Variants in CNTN4 observed in about 807,000 individuals in gnomAD.
CNTN4 encodes the protein contactin-4.
In CNTN4, 77 loss-of-function variants were observed where a neutral mutation model predicts 122.5. The observed-to-expected ratio is 0.63, with a 90% CI of 0.52 to 0.76. The LOEUF is 0.76. Ranked by LOEUF, CNTN4 falls within the 30% of genes least tolerant of loss-of-function variation. CNTN4 has a pLI of 0.00. For synonymous variants in CNTN4, 512 were observed against 447.0 expected, an observed-to-expected ratio of 1.15 and a Z score of -1.83; for missense variants, 1,256 against 1,259.1, an observed-to-expected ratio of 1.00 and a Z score of 0.04.
At chr3:2,644,660 C>A (rs1384004455) in intron 4 of CNTN4, among the ~76,000 whole-genome samples, 6 of 150,456 alleles carry the variant, frequency 4.0e-5, no homozygotes, top group Non-Finnish European at 7.4e-5. Flanking sequence ...ACTCACCATG[C>A]CCTATAGGGT....
intron 24 of CNTN4, among the ~76,000 whole-genome samples, chr3:3,055,797 G>A (rs1701730359): frequency 6.6e-6 from 1 of 152,182 alleles, no homozygotes; most frequent in South Asian, 2.1e-4. Flanking sequence ...TCAAAAGGGA[G>A]CAGCAATTTT....
chr3:2,198,056 G>A (rs769079538), intron 2 of CNTN4, among the ~76,000 whole-genome samples: 11 of 151,412 alleles, frequency 7.3e-5, no homozygotes, highest in Non-Finnish European at 1.5e-4. Context: ...GAGAATTTTG[G>A]CAATGTAGAA....
rs142355624 is a variant in CNTN4 at position 2,897,008 on chromosome 3, A to G, written c.941-3677A>G. On this transcript the variant is annotated intron_variant, in intron 10 of 24. Transcript: ENST00000418658. ...TCTAAGGCCTAAGGCATATGTTGGC[A>G]TTTCTTTCAGTTAGAAATTTCTGTT... Among the ~76,000 whole-genome samples, 1,094 of 146,354 alleles carry G rather than the reference A, an allele frequency of 7.5e-3. 15 individuals carry two copies. Among genetic ancestry groups the G allele is most frequent in the African/African-American group, 0.027 (1,038 of 38,978 alleles).
At chr3:2,186,868 C>T (rs984900622) in intron 2 of CNTN4, among the ~76,000 whole-genome samples, 4 of 152,112 alleles carry the variant, frequency 2.6e-5, no homozygotes, top group Admixed American at 6.5e-5. Context: ...TTCTCCCATT[C>T]TGTAGGTTGC....
chr3:2,715,219 G>T (rs1293515804), intron 4 of CNTN4, among the ~76,000 whole-genome samples: 1 of 152,078 alleles, frequency 6.6e-6, no homozygotes, highest in East Asian at 1.9e-4. Flanking sequence ...AAAGGAAGCA[G>T]CTACTGAAAA....
At chr3:2,257,020 G>A (rs1373293863) in intron 2 of CNTN4, among the ~76,000 whole-genome samples, 2 of 152,100 alleles carry the variant, frequency 1.3e-5, no homozygotes, top group Non-Finnish European at 2.9e-5. Flanking sequence ...GAGGCATCAG[G>A]CTACCTGACT....
At chr3:2,819,626 T>C (rs187134406) in intron 7 of CNTN4, 45 bp downstream of exon 7, 2 of 1,360,870 alleles carry the variant, frequency 1.5e-6, no homozygotes, top group Admixed American at 1.7e-5. Flanking sequence ...CTCTCTGTTA[T>C]TTTTCTTCCT....
intron 3 of CNTN4, among the ~76,000 whole-genome samples, chr3:2,501,718 A>G (rs2076599149): frequency 6.6e-6 from 1 of 152,190 alleles, no homozygotes; most frequent in South Asian, 2.1e-4. Context: ...ATCTAGGATA[A>G]CATCCCATGT....
At chr3:2,965,631 C>T (rs1446418631) in intron 13 of CNTN4, among the ~76,000 whole-genome samples, 4 of 152,200 alleles carry the variant, frequency 2.6e-5, no homozygotes, top group Non-Finnish European at 4.4e-5. Context: ...CTCATTCATT[C>T]ACCAGCATGA....
intron 2 of CNTN4, among the ~76,000 whole-genome samples, chr3:2,201,451 A>T (rs1199931477): frequency 6.6e-6 from 1 of 152,196 alleles, no homozygotes; most frequent in Non-Finnish European, 1.5e-5. Flanking sequence ...GTTCAAATAA[A>T]CAAGAGGAGA....
chr3:3,036,515 CA>C (rs1699618745), intron 17 of CNTN4, among the ~76,000 whole-genome samples: 1 of 152,072 alleles, frequency 6.6e-6, no homozygotes, highest in African/African-American at 2.4e-5. Flanking sequence ...GTCATCCCAG[CA>C]CTTTGATAGG....
intron 2 of CNTN4, among the ~76,000 whole-genome samples, chr3:2,337,328 G>A (rs11711446): frequency 0.12 from 18,987 of 152,122 alleles, 1,478 homozygotes; most frequent in Non-Finnish European, 0.18. Context: ...GGGAACATAT[G>A]TTTTCTTGTG....
At chr3:2,521,249 G>A (rs1304140651) in intron 3 of CNTN4, among the ~76,000 whole-genome samples, 1 of 151,934 alleles carries the variant, frequency 6.6e-6, no homozygotes, top group African/African-American at 2.4e-5. Context: ...ACTCTTATTT[G>A]TTTGAAGATA....
At chr3:2,513,408 G>C (rs1181865576) in intron 3 of CNTN4, among the ~76,000 whole-genome samples, 2 of 149,590 alleles carry the variant, frequency 1.3e-5, no homozygotes, top group Non-Finnish European at 1.5e-5. Context: ...TCAGAAATAG[G>C]ATTAGTTAAG....
intron 10 of CNTN4, 120 bp from the exon 11 acceptor site, chr3:2,900,565 C>T (rs2094162311): frequency 2.7e-6 from 3 of 1,106,024 alleles, no homozygotes; most frequent in Non-Finnish European, 2.7e-6. Context: ...TTGTTATTTG[C>T]ATAACATCTG....
chr3:2,116,740 A>G (rs2033380433), intron 2 of CNTN4, among the ~76,000 whole-genome samples: 1 of 152,128 alleles, frequency 6.6e-6, no homozygotes, highest in Non-Finnish European at 1.5e-5. Context: ...CTATGGAACA[A>G]TCTTGCTTCT....
chr3:2,544,290 A>C (rs1363044300), intron 3 of CNTN4, among the ~76,000 whole-genome samples: 1 of 152,028 alleles, frequency 6.6e-6, no homozygotes, highest in Non-Finnish European at 1.5e-5. Context: ...CTCCTTGGAG[A>C]ACATGGGAAG....
At chr3:2,195,308 T>G (rs2037784322) in intron 2 of CNTN4, among the ~76,000 whole-genome samples, 1 of 152,230 alleles carries the variant, frequency 6.6e-6, no homozygotes, top group Non-Finnish European at 1.5e-5. Flanking sequence ...CACATTTTCT[T>G]TATCTGTTCA....
At chr3:2,651,167 T>C (rs2083339900) in intron 4 of CNTN4, among the ~76,000 whole-genome samples, 1 of 152,072 alleles carries the variant, frequency 6.6e-6, no homozygotes, top group African/African-American at 2.4e-5. Flanking sequence ...GATTCAAGAG[T>C]GGCCATTGCA....
Sources: allele counts gnomAD v4.1 joint callset (sites outside exome capture counted in the v4.1 genomes callset), GRCh38; gene constraint gnomAD v4.1.1; transcripts MANE v1.5; gene names NCBI Gene and HGNC (gene_info 2026-07-23, HGNC 2026-07-21).